AIFM2: variants seen among roughly 807,000 people sequenced by gnomAD.
AIFM2 encodes ferroptosis suppressor protein 1.
Under a neutral mutation model 35.7 loss-of-function variants are expected in AIFM2, and 38 were observed. The observed-to-expected ratio is 1.06, with a 90% confidence interval of 0.82 to 1.39. The LOEUF is 1.39. Among genes scored for constraint, AIFM2 ranks in the 40% most tolerant of loss-of-function variants. The probability of loss-of-function intolerance (pLI) is 0.00; values close to 1 mark genes in which losing one functional copy is unlikely to be tolerated. For missense variants in AIFM2, 476 were observed against 491.2 expected (o/e 0.97, Z 0.29); for synonymous variants, 185 against 203.5 (o/e 0.91, Z 0.77).
At chr10:70,116,932 C>T in intron 6 of AIFM2, 158 bp from the exon 7 acceptor site, 1 of 850,588 alleles carries the variant, frequency 1.2e-6, no homozygotes, top group Non-Finnish European at 1.8e-6. Flanking sequence ...CCTCAGTCCA[C>T]TCTATGCCCC....
At chr10:70,129,875 G>A (rs2072608957) in intron 1 of AIFM2, among the ~76,000 whole-genome samples, 2 of 133,956 alleles carry the variant, frequency 1.5e-5, no homozygotes, top group Admixed American at 1.7e-4. Context: ...CAGCCTAGAT[G>A]AGACCCCATC....
chr10:70,126,363 G>A (rs769185128), intron 1 of AIFM2, among the ~76,000 whole-genome samples: 1 of 152,224 alleles, frequency 6.6e-6, no homozygotes, highest in South Asian at 2.1e-4. Context: ...AAGGGGGACT[G>A]GAGCGGGTGT....
chr10:70,119,954 C>A (rs2072479988), intron 5 of AIFM2, among the ~76,000 whole-genome samples: 1 of 152,224 alleles, frequency 6.6e-6, no homozygotes. Context: ...CCGTTCCCAC[C>A]CATGGGCAGA....
intron 1 of AIFM2, among the ~76,000 whole-genome samples, chr10:70,132,395 A>C (rs984559887): frequency 3.3e-5 from 5 of 151,972 alleles, no homozygotes; most frequent in Admixed American, 2.0e-4. Context: ...TCCGGGTTAC[A>C]CCCGCCCCGT....
chr10:70,121,151 A>G lies in AIFM2; in HGVS notation c.355T>C (p.Phe119Leu). Residue 119 changes from phenylalanine to leucine, a missense_variant, in exon 4 of 9, where the codon TTT becomes CTT. Transcript: ENST00000307864. ...TGSTGPFPGK[F>L]NEVSSQQAAI... ...GCCTGCTGGCTGGAAACCTCATTAA[A>G]CTTGCCCGGGAAGGGCCCAGTGCTG... 1 of 1,610,696 alleles carries G rather than the reference A, an allele frequency of 6.2e-7. No individual in the cohort carries two copies. Among genetic ancestry groups the G allele is most frequent in the Non-Finnish European group, 8.5e-7 (1 of 1,178,902 alleles).
At position 70,112,931 on chromosome 10, in the gene AIFM2, C is replaced by T. The variant is rs1421878895; in HGVS notation, c.*1247G>A. On this transcript the variant is annotated 3_prime_UTR_variant, in exon 9 of 9. Transcript: ENST00000307864. ...CAAAGTCCCTCAAGGGCCCTCTCCC[C>T]ATTCCCAGCATCAGCTGGAGTTTTG... The T allele has an allele frequency of 3.3e-5, 5 of 152,256 alleles. No individual in the cohort carries two copies. Among genetic ancestry groups the T allele is most frequent in the African/African-American group, 9.6e-5 (4 of 41,464 alleles). The allele number at this position is 152,256 out of a possible 1,614,324, so 9.4% of individuals were successfully genotyped here.
chr10:70,122,612 C>T (rs1454771264), intron 3 of AIFM2, among the ~76,000 whole-genome samples: 1 of 152,180 alleles, frequency 6.6e-6, no homozygotes, highest in Non-Finnish European at 1.5e-5. Flanking sequence ...CCAGTGACGT[C>T]CCGATCCGGG....
chr10:70,119,752 A>G (rs1234096896), intron 5 of AIFM2, among the ~76,000 whole-genome samples: 1 of 152,198 alleles, frequency 6.6e-6, no homozygotes, highest in Non-Finnish European at 1.5e-5. Context: ...GAGGCCCCAC[A>G]TGGCTCTCAG....
chr10:70,125,429 T>G (rs2072554191), intron 1 of AIFM2, among the ~76,000 whole-genome samples: 1 of 109,746 alleles, frequency 9.1e-6, no homozygotes, highest in Admixed American at 1.1e-4. Context: ...AGAGAGACTC[T>G]GTCTCTACAA....
intron 1 of AIFM2, among the ~76,000 whole-genome samples, chr10:70,126,558 A>G (rs2072568100): frequency 6.6e-6 from 1 of 151,848 alleles, no homozygotes; most frequent in Admixed American, 6.6e-5. Context: ...GCCTCAATTT[A>G]CCCCCTATAA....
intron 7 of AIFM2, 123 bp from the exon 8 acceptor site, chr10:70,115,243 G>T: frequency 2.0e-6 from 2 of 1,002,020 alleles, no homozygotes; most frequent in Non-Finnish European, 3.0e-6. Flanking sequence ...CCCTCCTGAG[G>T]CATGACCACC....
intron 1 of AIFM2, among the ~76,000 whole-genome samples, chr10:70,124,956 T>A (rs1235865029): frequency 6.6e-6 from 1 of 152,106 alleles, no homozygotes; most frequent in African/African-American, 2.4e-5. Flanking sequence ...CGGAGGTGTT[T>A]GGGTCATACG....
intron 1 of AIFM2, among the ~76,000 whole-genome samples, chr10:70,124,322 A>T (rs1175897554): frequency 2.0e-5 from 3 of 152,260 alleles, no homozygotes; most frequent in Admixed American, 6.5e-5. Flanking sequence ...CTCCAGAGGC[A>T]TCCACTGTTA....
In AIFM2 at chr10:70,117,804, G is replaced by A. The variant is rs754707509; in HGVS notation, c.616+8C>T. 2 of 1,600,868 alleles carry A rather than the reference G, an allele frequency of 1.2e-6. No individual in the cohort carries two copies. The highest frequency in any genetic ancestry group is 8.5e-7 in the Non-Finnish European group (1 of 1,173,974). ...GCAGGGCAGGGAGGGAGGTGAGGGTGCACGTACTCAGCAGCAGCTGCACGC... is the reference window on the plus strand; with the variant it reads ...GCAGGGCAGGGAGGGAGGTGAGGGTACACGTACTCAGCAGCAGCTGCACGC... On this transcript the variant is annotated splice_region_variant and intron_variant, in intron 6 of 8. Coordinates refer to ENST00000307864, the MANE Select transcript of AIFM2 (RefSeq NM_032797.6). This position sits in a 1 kb window ranked among gnomAD's most constrained non-coding sequence, Gnocchi z 4.7.
chr10:70,124,265 AG>A (rs1387138905), intron 1 of AIFM2, among the ~76,000 whole-genome samples, 168 bp from the exon 2 acceptor site: 4 of 152,228 alleles, frequency 2.6e-5, no homozygotes, highest in African/African-American at 9.6e-5. Flanking sequence ...AGAAGGAACA[AG>A]GGGGTATCCC....
At chr10:70,120,950 C>A in intron 4 of AIFM2, 142 bp downstream of exon 4, 1 of 1,415,058 alleles carries the variant, frequency 7.1e-7, no homozygotes, top group Non-Finnish European at 9.5e-7. Context: ...CCAGGAAAGT[C>A]TCTTCCTAGT....
intron 7 of AIFM2, 125 bp from the exon 8 acceptor site, chr10:70,115,245 A>G (rs2072423181): frequency 3.1e-6 from 3 of 980,008 alleles, no homozygotes; most frequent in Non-Finnish European, 4.6e-6. Flanking sequence ...CTCCTGAGGC[A>G]TGACCACCCC....
intron 8 of AIFM2, 154 bp downstream of exon 8, chr10:70,114,766 G>C: frequency 1.0e-6 from 1 of 982,644 alleles, no homozygotes; most frequent in Non-Finnish European, 1.5e-6. Context: ...GAGCCACCGC[G>C]CCCAGCCTAT....
chr10:70,122,007 G>A (rs1036425933), intron 3 of AIFM2, among the ~76,000 whole-genome samples: 24 of 151,976 alleles, frequency 1.6e-4, no homozygotes, highest in Non-Finnish European at 2.4e-4. Context: ...CAGGAGGATC[G>A]CTTGAACCTG....
Sources: gnomAD v4.1 joint callset for allele counts (sites outside exome capture counted in the v4.1 genomes callset) on GRCh38, gnomAD v4.1.1 for gene constraint, Gnocchi (gnomAD v3.1) non-coding constraint, MANE v1.5 for transcripts, NCBI Gene and HGNC (gene_info 2026-07-23, HGNC 2026-07-21) for gene names.